Variants in PTBP2 observed in about 807,000 individuals in gnomAD.
The protein encoded by PTBP2 is polypyrimidine tract-binding protein 2.
Under a neutral mutation model 61.4 loss-of-function variants are expected in PTBP2, and 13 were observed. The ratio of observed to expected loss-of-function variants is 0.21; its 90% CI spans 0.14 to 0.34. The LOEUF (loss-of-function observed/expected upper bound fraction) is 0.34. Among genes scored for constraint, PTBP2 ranks in the 10% least tolerant of loss-of-function variants. The pLI is 1.00. For missense variants in PTBP2, 405 were observed against 642.6 expected (o/e 0.63, Z 4.00); for synonymous variants, 215 against 218.5 (o/e 0.98, Z 0.14).
At chr1:96,736,390 A>G (rs1202634387) in intron 2 of PTBP2, among the ~76,000 whole-genome samples, 1 of 152,162 alleles carries the variant, frequency 6.6e-6, no homozygotes, top group African/African-American at 2.4e-5. Context: ...ATATTAAATC[A>G]TAACAATATG....
chr1:96,759,384 ATAGT>A (rs1389221144), intron 3 of PTBP2, among the ~76,000 whole-genome samples: 1 of 152,250 alleles, frequency 6.6e-6, no homozygotes, highest in Non-Finnish European at 1.5e-5. Flanking sequence ...TACTACTAGC[ATAGT>A]TAGTGACACA....
At chr1:96,810,900 T>A (rs543204599) in intron 11 of PTBP2, among the ~76,000 whole-genome samples, 1 of 152,304 alleles carries the variant, frequency 6.6e-6, no homozygotes, top group East Asian at 1.9e-4. Flanking sequence ...TGCAAGTATA[T>A]GAAATTAAGT....
intron 12 of PTBP2, 33 bp downstream of exon 12, chr1:96,812,961 A>T (rs754595957): frequency 6.3e-7 from 1 of 1,594,164 alleles, no homozygotes; most frequent in Admixed American, 1.7e-5. Context: ...ATTGAGATAC[A>T]TTCTATTTTG....
chr1:96,789,474 A>C (rs550505179), intron 8 of PTBP2, among the ~76,000 whole-genome samples: 1 of 152,230 alleles, frequency 6.6e-6, no homozygotes, highest in South Asian at 2.1e-4. Flanking sequence ...TGGTTTTACT[A>C]TGTAGCAAGA....
intron 3 of PTBP2, among the ~76,000 whole-genome samples, chr1:96,755,558 C>T (rs1381575587): frequency 6.6e-6 from 1 of 152,086 alleles, no homozygotes; most frequent in Admixed American, 6.5e-5. Flanking sequence ...TTTGTAATCA[C>T]CAAAATGTGA....
At chr1:96,791,923 T>C (rs1659882989) in intron 8 of PTBP2, among the ~76,000 whole-genome samples, 2 of 141,472 alleles carry the variant, frequency 1.4e-5, no homozygotes, top group South Asian at 5.0e-4. Flanking sequence ...AAGCTCCGCC[T>C]CCTGGGTTCA....
At chr1:96,786,375 A>T (rs1342609922) in intron 8 of PTBP2, among the ~76,000 whole-genome samples, 1 of 151,990 alleles carries the variant, frequency 6.6e-6, no homozygotes, top group Non-Finnish European at 1.5e-5. Context: ...CAGAAGTCAT[A>T]GTGTTTATTA....
At chr1:96,741,112 A>G (rs1229504974) in intron 2 of PTBP2, among the ~76,000 whole-genome samples, 5 of 151,554 alleles carry the variant, frequency 3.3e-5, no homozygotes, top group Non-Finnish European at 7.4e-5. Flanking sequence ...TTTGCTGATC[A>G]AATGTACATG....
intron 8 of PTBP2, among the ~76,000 whole-genome samples, chr1:96,792,236 A>AT (rs1364690490): frequency 2.0e-5 from 3 of 152,204 alleles, no homozygotes; most frequent in Admixed American, 6.5e-5. Flanking sequence ...AAGTTTGATG[A>AT]ATATGAATAC....
intron 5 of PTBP2, among the ~76,000 whole-genome samples, chr1:96,772,278 A>T (rs1369536812): frequency 1.3e-5 from 2 of 152,230 alleles, no homozygotes; most frequent in African/African-American, 4.8e-5. Flanking sequence ...GATATTAAAA[A>T]GGATAATAAG....
intron 9 of PTBP2, among the ~76,000 whole-genome samples, chr1:96,805,553 T>C (rs1006923072): frequency 6.6e-6 from 1 of 152,000 alleles, no homozygotes; most frequent in East Asian, 1.9e-4. Flanking sequence ...AATTTATTGC[T>C]AAGTTATTTT....
At chr1:96,732,498 A>G (rs1651559689) in intron 2 of PTBP2, among the ~76,000 whole-genome samples, 1 of 152,178 alleles carries the variant, frequency 6.6e-6, no homozygotes, top group African/African-American at 2.4e-5. Flanking sequence ...CACATATTAA[A>G]TAGTACATAT....
Position 96,777,992 on chromosome 1 carries a change from T to A in PTBP2, c.708+46T>A, listed in dbSNP as rs192463083. 2.1e-4 allele frequency: 230 copies of A among 1,091,976 alleles called. 1 individual carries two copies. The African/African-American group carries it at 3.3e-3, about 16-fold the overall frequency. The allele number at this position is 1,091,976 out of a possible 1,614,324, so 67.6% of individuals were successfully genotyped here. A position where few individuals can be genotyped will look rare whatever the true frequency, so the allele number is the denominator to read the frequency against. ...GGTGATTTTTTTTTATTGAAATGTA[T>A]ATGTAGAAAAATATATATATATGTA... On this transcript the variant is annotated intron_variant, in intron 7 of 13. Transcript: ENST00000674951.
At chr1:96,735,005 C>T (rs1257138162) in intron 2 of PTBP2, among the ~76,000 whole-genome samples, 1 of 150,838 alleles carries the variant, frequency 6.6e-6, no homozygotes, top group African/African-American at 2.4e-5. Context: ...GCAACCTCTG[C>T]CTCCCGGATT....
intron 2 of PTBP2, among the ~76,000 whole-genome samples, chr1:96,727,902 T>C (rs1650810238): frequency 6.6e-6 from 1 of 152,188 alleles, no homozygotes; most frequent in African/African-American, 2.4e-5. Context: ...ATTTTTTCTT[T>C]TATGGATTGT....
chr1:96,811,911 G>A (rs533343319), intron 11 of PTBP2, among the ~76,000 whole-genome samples: 14 of 152,290 alleles, frequency 9.2e-5, no homozygotes, highest in African/African-American at 3.1e-4. Flanking sequence ...GTCATGTAAT[G>A]TTCTGTTTTC....
At chr1:96,732,529 C>T (rs1430082645) in intron 2 of PTBP2, among the ~76,000 whole-genome samples, 1 of 152,120 alleles carries the variant, frequency 6.6e-6, no homozygotes, top group South Asian at 2.1e-4. Flanking sequence ...TTTAATAACT[C>T]TTAGAAGTGT....
At chr1:96,760,408 T>C (rs1183044497) in intron 3 of PTBP2, among the ~76,000 whole-genome samples, 1 of 151,034 alleles carries the variant, frequency 6.6e-6, no homozygotes, top group Non-Finnish European at 1.5e-5. Flanking sequence ...TAATTACTGC[T>C]GAGTATATAA....
intron 3 of PTBP2, among the ~76,000 whole-genome samples, chr1:96,768,413 T>C (rs1244792140): frequency 6.6e-6 from 1 of 152,062 alleles, no homozygotes; most frequent in South Asian, 2.1e-4. Context: ...TTATATAGTT[T>C]ATAGGTTGTG....
Sources: allele counts gnomAD v4.1 joint callset (sites outside exome capture counted in the v4.1 genomes callset), GRCh38; gene constraint gnomAD v4.1.1; transcripts MANE v1.5; gene names NCBI Gene and HGNC (gene_info 2026-07-23, HGNC 2026-07-21).